Variants in CALN1 observed in about 807,000 individuals in gnomAD.
The protein encoded by CALN1 is calcium-binding protein 8.
A neutral mutation model predicts 30.6 loss-of-function variants in CALN1; 17 were observed. The ratio of observed to expected loss-of-function variants is 0.56; its 90% CI spans 0.38 to 0.83. The LOEUF is 0.83. CALN1 is among the 40% of genes least tolerant of loss of function. The pLI is 0.00. For missense variants in CALN1, 291 were observed against 354.9 expected (o/e 0.82, Z 1.45); for synonymous variants, 156 against 131.4 (o/e 1.19, Z -1.28).
At chr7:72,234,678 G>A (rs950032898) in intron 3 of CALN1, among the ~76,000 whole-genome samples, 5 of 151,990 alleles carry the variant, frequency 3.3e-5, no homozygotes, top group South Asian at 2.1e-4. Flanking sequence ...ACTCCTGACT[G>A]CAAGTGATCC....
the CALN1 span, among the ~76,000 whole-genome samples, chr7:72,482,966 T>A: frequency 5.3e-5 from 8 of 152,320 alleles, no homozygotes; most frequent in African/African-American, 1.9e-4. Context: ...TTGAAAGATA[T>A]CCTTGCTGAA....
chr7:71,836,140 A>G (rs1789585680), intron 5 of CALN1, among the ~76,000 whole-genome samples: 3 of 152,182 alleles, frequency 2.0e-5, no homozygotes, highest in South Asian at 2.1e-4. Flanking sequence ...TTCCTCTAGA[A>G]GCAGAGCCTC....
At chr7:72,197,026 G>A (rs1366117544) in intron 3 of CALN1, among the ~76,000 whole-genome samples, 1 of 152,090 alleles carries the variant, frequency 6.6e-6, no homozygotes, top group African/African-American at 2.4e-5. Flanking sequence ...TTTAAGAATG[G>A]ATGCACTTAA....
intron 3 of CALN1, among the ~76,000 whole-genome samples, chr7:72,231,679 C>T (rs535646976): frequency 6.6e-6 from 1 of 152,248 alleles, no homozygotes; most frequent in East Asian, 1.9e-4. Context: ...ATGAAACTTT[C>T]TCATACGTAG....
At chr7:71,848,790 C>T (rs1312011355) in intron 5 of CALN1, among the ~76,000 whole-genome samples, 6 of 152,060 alleles carry the variant, frequency 3.9e-5, no homozygotes, top group East Asian at 3.9e-4. Context: ...AGTCCAATAT[C>T]GATGATGCTG....
chr7:71,847,823 GA>G (rs1562835843), intron 5 of CALN1, among the ~76,000 whole-genome samples: 1 of 100,712 alleles, frequency 9.9e-6, no homozygotes, highest in African/African-American at 5.0e-5. Flanking sequence ...GAAGGAGAAG[GA>G]GAAGGAGAAG....
At chr7:71,810,704 T>G (rs1187563529) in intron 5 of CALN1, among the ~76,000 whole-genome samples, 4 of 152,164 alleles carry the variant, frequency 2.6e-5, no homozygotes, top group Non-Finnish European at 5.9e-5. Context: ...ACATATTCCC[T>G]TCGCTTTAGC....
chr7:72,324,899 T>C (rs920852078), intron 2 of CALN1, among the ~76,000 whole-genome samples: 2 of 152,160 alleles, frequency 1.3e-5, no homozygotes, highest in African/African-American at 2.4e-5. Context: ...TTTTTCCCTG[T>C]TGCCTACTAC....
rs1792943171 is a variant in CALN1, at chr7:71,785,562, C to T, written c.*2213G>A. 6.6e-6 allele frequency: 1 copy of T among 152,100 alleles called. No individual in the cohort carries two copies. The highest frequency in any genetic ancestry group is 1.5e-5 in the Non-Finnish European group (1 of 68,022). 9.4% of individuals were successfully genotyped at this position (152,100 alleles called of 1,614,324 possible). Reference sequence around the variant, plus strand: ...TGAAGAATCATCCCTGGGGTTTCTACCCAGTCTACTTAGGGTCCTGCACCC... The same window carrying T: ...TGAAGAATCATCCCTGGGGTTTCTATCCAGTCTACTTAGGGTCCTGCACCC... On this transcript the variant is annotated 3_prime_UTR_variant, in exon 7 of 7. Transcript: ENST00000395275.
intron 4 of CALN1, among the ~76,000 whole-genome samples, chr7:72,094,042 C>A (rs1454546181): frequency 6.6e-6 from 1 of 152,156 alleles, no homozygotes; most frequent in Non-Finnish European, 1.5e-5. Context: ...ATAGGGGATG[C>A]CTATTTCTTC....
intron 6 of CALN1, among the ~76,000 whole-genome samples, chr7:71,791,711 T>TA (rs34017453): frequency 7.9e-5 from 12 of 152,012 alleles, no homozygotes; most frequent in Admixed American, 7.9e-4. Flanking sequence ...AACTAAAAGT[T>TA]AAAAAAATGG....
At chr7:71,965,187 C>T (rs1324833666) in intron 5 of CALN1, among the ~76,000 whole-genome samples, 5 of 152,030 alleles carry the variant, frequency 3.3e-5, no homozygotes, top group African/African-American at 1.2e-4. Flanking sequence ...GTCACCCCAC[C>T]CAGCTAAACT....
chr7:71,810,409 A>G lies in CALN1; in HGVS notation c.585T>C (p.Ile195=), dbSNP rs749734488. Residue 195 remains isoleucine (I), a synonymous_variant, in exon 6 of 7, where the codon ATT becomes ATC. Transcript: ENST00000395275. ...CTTCCTCATTGATAATGATGTTCTC[A>G]ATGTCCTTCATCGTTAGGTGGTCTC... ...AFRDHLTMKD[I]ENIIINEEES... The G allele has an allele frequency of 6.2e-7, 1 of 1,614,120 alleles. No individual in the cohort carries two copies. The highest frequency in any genetic ancestry group is 1.7e-5 in the Admixed American group (1 of 60,008).
chr7:72,384,547 T>C (rs752244812), intron 2 of CALN1, among the ~76,000 whole-genome samples: 1 of 151,966 alleles, frequency 6.6e-6, no homozygotes, highest in Admixed American at 6.6e-5. Flanking sequence ...CAGGGGAGGA[T>C]TGCTTGAGCC....
intron 3 of CALN1, among the ~76,000 whole-genome samples, chr7:72,256,878 T>C (rs1409997957): frequency 6.6e-6 from 1 of 152,198 alleles, no homozygotes; most frequent in Admixed American, 6.5e-5. Context: ...TAGTACTAAA[T>C]ACTCAGCTAT....
At position 72,064,192 on chromosome 7, in the gene CALN1, G is replaced by A. The variant is rs985508095; in HGVS notation, c.389-40423C>T. 2.0e-5 allele frequency among the ~76,000 whole-genome samples: 3 copies of A among 151,126 alleles called. No homozygotes were observed. The East Asian group carries it at 5.8e-4, about 29-fold the overall frequency. On this transcript the variant is annotated intron_variant, in intron 4 of 6. Transcript: ENST00000395275. ...AGCTACTCAGGAGGCTGAGGCAGGA[G>A]AATCACTTGAACCCAGGAGGCAGAG...
chr7:72,308,371 GGGA>G (rs1383080864), intron 2 of CALN1, among the ~76,000 whole-genome samples: 1 of 94,116 alleles, frequency 1.1e-5, no homozygotes, highest in African/African-American at 4.1e-5. Flanking sequence ...CTGTGGGGGG[GGGA>G]GAGAGAGAGA....
At chr7:72,059,358 C>T (rs1328693365) in intron 4 of CALN1, among the ~76,000 whole-genome samples, 1 of 152,074 alleles carries the variant, frequency 6.6e-6, no homozygotes, top group Non-Finnish European at 1.5e-5. Flanking sequence ...AAGATTTCTT[C>T]AATAACCCAT....
intron 2 of CALN1, among the ~76,000 whole-genome samples, chr7:72,330,885 G>A (rs1389712486): frequency 2.0e-5 from 3 of 152,112 alleles, no homozygotes; most frequent in South Asian, 2.1e-4. Flanking sequence ...CTCGGACTTC[G>A]ATTTTACTTC....
Sources: allele counts gnomAD v4.1 joint callset (sites outside exome capture counted in the v4.1 genomes callset), GRCh38; gene constraint gnomAD v4.1.1; transcripts MANE v1.5; gene names NCBI Gene and HGNC (gene_info 2026-07-23, HGNC 2026-07-21).